DMD: variants seen among roughly 807,000 people sequenced by gnomAD.
DMD encodes the protein dystrophin.
A neutral mutation model predicts 330.1 loss-of-function variants in DMD; 63 were observed. The ratio of observed to expected loss-of-function variants is 0.19; its 90% CI spans 0.16 to 0.24. The LOEUF (loss-of-function observed/expected upper bound fraction) is 0.24. DMD is among the 10% of genes least tolerant of loss of function. The pLI, the probability that DMD is intolerant of heterozygous loss-of-function variation, is 1.00. For synonymous variants in DMD, 1,223 were observed against 959.8 expected (o/e 1.27, Z -5.07); for missense variants, 3,344 against 2,684.1 (o/e 1.25, Z -5.43).
intron 59 of DMD, among the ~76,000 whole-genome samples, chrX:31,465,210 T>TTTA (rs1569544865): frequency 9.0e-6 from 1 of 111,620 alleles, no homozygotes; most frequent in Non-Finnish European, 1.9e-5. Context: ...GGATTTTTTT[T>TTTA]TTATTATTAT....
intron 1 of DMD, among the ~76,000 whole-genome samples, chrX:33,283,364 C>G (rs1047210035): frequency 2.1e-4 from 23 of 110,637 alleles, no homozygotes; most frequent in Middle Eastern, 4.7e-3. Context: ...CATGGTGAAA[C>G]CCCGTCTCTA....
At chrX:31,744,751 CTG>C (rs1395118893) in intron 51 of DMD, among the ~76,000 whole-genome samples, 1 of 112,363 alleles carries the variant, frequency 8.9e-6, no homozygotes, top group Admixed American at 9.4e-5. Flanking sequence ...TATCCAAAGA[CTG>C]TAGAAATTCC....
At chrX:31,211,694 G>A (rs1416843873) in intron 64 of DMD, among the ~76,000 whole-genome samples, 6 of 112,139 alleles carry the variant, frequency 5.4e-5, no homozygotes. Flanking sequence ...ATGTTGAGTA[G>A]AAATAGCTCC....
At chrX:32,869,631 G>A (rs2082791933) in intron 2 of DMD, among the ~76,000 whole-genome samples, 2 of 108,575 alleles carry the variant, frequency 1.8e-5, no homozygotes, top group South Asian at 8.1e-4. Flanking sequence ...AATAGACCAA[G>A]CAGAAGAATG....
At chrX:31,892,498 T>C (rs975480738) in intron 47 of DMD, among the ~76,000 whole-genome samples, 1 of 111,337 alleles carries the variant, frequency 9.0e-6, no homozygotes, top group Non-Finnish European at 1.9e-5. Context: ...AATATTTTAA[T>C]TCATCCATGC....
chrX:32,628,218 C>T (rs2058481119), intron 11 of DMD, among the ~76,000 whole-genome samples: 1 of 96,442 alleles, frequency 1.0e-5, no homozygotes, highest in Non-Finnish European at 2.0e-5. Flanking sequence ...CTCTGGTAAC[C>T]ATCATTCTAG....
intron 64 of DMD, among the ~76,000 whole-genome samples, chrX:31,215,772 C>A (rs986456397): frequency 8.9e-6 from 1 of 112,186 alleles, no homozygotes; most frequent in Non-Finnish European, 1.9e-5. Context: ...CCCATTACTC[C>A]GTGTGGAAAG....
intron 30 of DMD, among the ~76,000 whole-genome samples, chrX:32,399,952 C>G (rs959127644): frequency 9.0e-6 from 1 of 111,384 alleles, no homozygotes; most frequent in South Asian, 3.7e-4. Flanking sequence ...CCTTTATTTC[C>G]TTCTCCTGCC....
At chrX:31,953,220 C>G (rs1194836934) in intron 45 of DMD, among the ~76,000 whole-genome samples, 1 of 112,591 alleles carries the variant, frequency 8.9e-6, no homozygotes, top group Middle Eastern at 4.2e-3. Flanking sequence ...GTCTGCCAGT[C>G]AGTTACTTGT....
chrX:31,283,114 C>T (rs1435486771), intron 62 of DMD, among the ~76,000 whole-genome samples: 2 of 111,175 alleles, frequency 1.8e-5, no homozygotes, highest in East Asian at 2.8e-4. Flanking sequence ...AGTGAAAGAA[C>T]TCAGAGAATT....
chrX:31,524,789 G>A (rs1358295528), intron 55 of DMD, among the ~76,000 whole-genome samples: 1 of 111,431 alleles, frequency 9.0e-6, no homozygotes, highest in Non-Finnish European at 1.9e-5. Flanking sequence ...TGCTTGCCCT[G>A]AGAAGCTGAG....
chrX:32,063,870 T>A (rs2096244510), intron 44 of DMD, among the ~76,000 whole-genome samples: 1 of 111,402 alleles, frequency 9.0e-6, no homozygotes, highest in African/African-American at 3.2e-5. Flanking sequence ...TCACAAACTA[T>A]ATAAGTTCAT....
intron 43 of DMD, among the ~76,000 whole-genome samples, chrX:32,264,972 C>G (rs900853800): frequency 8.9e-6 from 1 of 112,159 alleles, no homozygotes; most frequent in Non-Finnish European, 1.9e-5. Context: ...CCTGAAGATG[C>G]AATAGAAAAG....
At chrX:31,821,925 T>C (rs1022423163) in intron 49 of DMD, among the ~76,000 whole-genome samples, 2 of 112,403 alleles carry the variant, frequency 1.8e-5, no homozygotes, top group Admixed American at 1.9e-4. Context: ...GAACCCAACC[T>C]AACTGGAATG....
chrX:33,197,634 C>T (rs2051021820), intron 1 of DMD, among the ~76,000 whole-genome samples: 1 of 111,999 alleles, frequency 8.9e-6, no homozygotes, highest in South Asian at 3.7e-4. Context: ...ATATCAATAT[C>T]TGTTCTTAAT....
chrX:32,554,408 A>C (rs1603636198), intron 16 of DMD, among the ~76,000 whole-genome samples: 1 of 111,368 alleles, frequency 9.0e-6, no homozygotes, highest in African/African-American at 3.3e-5. Context: ...GAATCAAATA[A>C]ACACAATGAA....
chrX:31,594,019 G>T (rs904189259), intron 55 of DMD, among the ~76,000 whole-genome samples: 1 of 111,242 alleles, frequency 9.0e-6, no homozygotes, highest in African/African-American at 3.3e-5. Context: ...TGAGATTACT[G>T]TGAAAGGGGA....
intron 2 of DMD, among the ~76,000 whole-genome samples, chrX:32,887,218 G>A (rs368551085): frequency 2.0e-4 from 22 of 109,188 alleles, no homozygotes; most frequent in African/African-American, 7.3e-4. Context: ...GTGCTGACAG[G>A]AGCCTGTAGT....
chrX:32,248,264 C>T (rs1199570353), intron 43 of DMD, among the ~76,000 whole-genome samples: 2 of 110,969 alleles, frequency 1.8e-5, no homozygotes, highest in Admixed American at 9.7e-5. Context: ...ATGAAAATGC[C>T]GTTCTTAAAT....
Sources: gnomAD v4.1 joint callset for allele counts (sites outside exome capture counted in the v4.1 genomes callset) on GRCh38, gnomAD v4.1.1 for gene constraint, MANE v1.5 for transcripts, NCBI Gene and HGNC (gene_info 2026-07-23, HGNC 2026-07-21) for gene names.